Variants in NAALADL2 observed in about 807,000 individuals in gnomAD.
The protein encoded by NAALADL2 is N-acetylated alpha-linked acidic dipeptidase like 2.
A neutral mutation model predicts 87.2 loss-of-function variants in NAALADL2; 76 were observed. The observed-to-expected ratio is 0.87, with a 90% CI of 0.72 to 1.05. The LOEUF is 1.05. NAALADL2 is among the 50% of genes least tolerant of loss of function. The pLI, the probability that NAALADL2 is intolerant of heterozygous loss-of-function variation, is 0.00. For missense variants in NAALADL2, 1,089 were observed against 945.8 expected, an observed-to-expected ratio of 1.15 and a Z score of -1.99; for synonymous variants, 354 against 331.0, an observed-to-expected ratio of 1.07 and a Z score of -0.75.
intron 9 of NAALADL2, among the ~76,000 whole-genome samples, chr3:175,532,304 C>T (rs1018407002): frequency 3.9e-5 from 6 of 152,210 alleles, no homozygotes; most frequent in Admixed American, 1.3e-4. Context: ...CTTCCCTTTT[C>T]CATAGCACAG....
intron 2 of NAALADL2, among the ~76,000 whole-genome samples, chr3:175,100,029 A>T (rs548129752): frequency 3.3e-5 from 5 of 150,786 alleles, no homozygotes; most frequent in African/African-American, 1.2e-4. Flanking sequence ...TATTTATATT[A>T]TATGATATAA....
intron 3 of NAALADL2, 42 bp downstream of exon 3, chr3:175,234,246 A>G: frequency 6.3e-7 from 1 of 1,576,618 alleles, no homozygotes; most frequent in East Asian, 2.2e-5. Context: ...GTGAGATGGA[A>G]TTAGAAAATA....
intron 1 of NAALADL2, among the ~76,000 whole-genome samples, chr3:174,511,711 GT>G (rs574389513): frequency 0.014 from 2,051 of 145,582 alleles, 43 homozygotes; most frequent in African/African-American, 0.049. Context: ...TCTCTTATCT[GT>G]TTTTTTTTCT....
At chr3:175,401,576 A>G (rs532848365) in intron 5 of NAALADL2, among the ~76,000 whole-genome samples, 5 of 152,244 alleles carry the variant, frequency 3.3e-5, no homozygotes, top group Non-Finnish European at 7.4e-5. Flanking sequence ...GGCTATAGGT[A>G]TAGCCTATTG....
chr3:174,477,496 C>T (rs187097693), intron 1 of NAALADL2, among the ~76,000 whole-genome samples: 30 of 152,256 alleles, frequency 2.0e-4, no homozygotes, highest in Non-Finnish European at 3.2e-4. Flanking sequence ...AGACTGACAA[C>T]TTAGAATCAC....
chr3:174,938,713 C>G (rs530637456), intron 1 of NAALADL2, among the ~76,000 whole-genome samples: 1 of 152,180 alleles, frequency 6.6e-6, no homozygotes, highest in African/African-American at 2.4e-5. Context: ...AATAGCCATT[C>G]TGACTGATTT....
intron 13 of NAALADL2, among the ~76,000 whole-genome samples, chr3:175,786,248 G>A (rs1372658242): frequency 6.6e-6 from 1 of 151,974 alleles, no homozygotes; most frequent in Non-Finnish European, 1.5e-5. Context: ...ACCTTGGCCT[G>A]CCTTGCTAGA....
chr3:175,059,329 T>A (rs77966861), intron 1 of NAALADL2: 16,641 of 152,074 alleles, frequency 0.11, 1,021 homozygotes, highest in East Asian at 0.22. Flanking sequence ...AAGTTTTAAT[T>A]TTAAGTGCAA....
At chr3:175,801,333 TTTTTACCTTG>T (rs1295719246) in intron 13 of NAALADL2, among the ~76,000 whole-genome samples, 2 of 152,136 alleles carry the variant, frequency 1.3e-5, no homozygotes, top group Admixed American at 1.3e-4. Context: ...AAGTTTAATC[TTTTTACCTTG>T]GTTTACCAGG....
chr3:174,609,402 T>A (rs1719533848), intron 2 of NAALADL2, among the ~76,000 whole-genome samples: 1 of 152,006 alleles, frequency 6.6e-6, no homozygotes, highest in South Asian at 2.1e-4. Flanking sequence ...CATGATTGTA[T>A]ATCTAGAAAA....
At chr3:174,642,749 CATATATATAT>C (rs71624288) in intron 2 of NAALADL2, among the ~76,000 whole-genome samples, 10,880 of 129,368 alleles carry the variant, frequency 0.084, 573 homozygotes, top group South Asian at 0.18. Flanking sequence ...TGAAAAAAAA[CATATATATAT>C]ATATATATAT....
At chr3:174,609,295 T>C (rs1719510503) in intron 2 of NAALADL2, among the ~76,000 whole-genome samples, 1 of 152,084 alleles carries the variant, frequency 6.6e-6, no homozygotes, top group South Asian at 2.1e-4. Context: ...TTCAACATAG[T>C]GTTGGAAGTT....
chr3:174,899,385 T>C (rs1732029233), intron 1 of NAALADL2, among the ~76,000 whole-genome samples: 1 of 152,144 alleles, frequency 6.6e-6, no homozygotes, highest in Non-Finnish European at 1.5e-5. Flanking sequence ...TGGGGCCTGG[T>C]GAGGGGTGAT....
At chr3:175,733,764 A>C (rs1744109944) in intron 11 of NAALADL2, among the ~76,000 whole-genome samples, 1 of 142,086 alleles carries the variant, frequency 7.0e-6, no homozygotes, top group South Asian at 2.1e-4. Flanking sequence ...AGATACAATG[A>C]GGTCTCAGGT....
intron 3 of NAALADL2, among the ~76,000 whole-genome samples, chr3:174,739,899 G>T (rs1560185388): frequency 6.6e-6 from 1 of 151,990 alleles, no homozygotes; most frequent in Non-Finnish European, 1.5e-5. Flanking sequence ...TCCAAAGATT[G>T]CACACACTGT....
At chr3:175,589,204 T>C (rs1270777601) in intron 10 of NAALADL2, among the ~76,000 whole-genome samples, 1 of 152,200 alleles carries the variant, frequency 6.6e-6, no homozygotes, top group African/African-American at 2.4e-5. Context: ...CATAGTACTT[T>C]AGTTTATATC....
chr3:175,670,389 T>A (rs1365206565), intron 11 of NAALADL2, among the ~76,000 whole-genome samples: 1 of 7,858 alleles, frequency 1.3e-4, no homozygotes, highest in Non-Finnish European at 4.4e-4. Flanking sequence ...ATTATAACAT[T>A]TAATTATATT....
At chr3:175,214,005 A>G (rs541063015) in intron 2 of NAALADL2, among the ~76,000 whole-genome samples, 1 of 152,142 alleles carries the variant, frequency 6.6e-6, no homozygotes, top group Non-Finnish European at 1.5e-5. Context: ...ACGGGAAGAA[A>G]ATTTTTGTGA....
At chr3:175,752,173 G>T (rs1489326292) in intron 12 of NAALADL2, among the ~76,000 whole-genome samples, 2 of 152,020 alleles carry the variant, frequency 1.3e-5, no homozygotes, top group Non-Finnish European at 2.9e-5. Flanking sequence ...GGAATACAAA[G>T]AGAAATAAAA....
Sources: allele counts gnomAD v4.1 joint callset (sites outside exome capture counted in the v4.1 genomes callset), GRCh38; gene constraint gnomAD v4.1.1; transcripts MANE v1.5; gene names NCBI Gene and HGNC (gene_info 2026-07-23, HGNC 2026-07-21).